Variants in PRTG observed in about 807,000 individuals in gnomAD.
The protein encoded by PRTG is protogenin.
Under a neutral mutation model 122.5 loss-of-function variants are expected in PRTG, and 67 were observed. That is an observed-to-expected ratio of 0.55 (90% CI 0.45 to 0.67). The LOEUF is 0.67. PRTG is among the 30% of genes least tolerant of loss of function. The pLI is 0.00. For synonymous variants in PRTG, 554 were observed against 501.1 expected, an observed-to-expected ratio of 1.11 and a Z score of -1.41; for missense variants, 1,435 against 1,415.4, an observed-to-expected ratio of 1.01 and a Z score of -0.22.
rs997959309 is a variant in PRTG at position 55,616,109 on chromosome 15, T to C, written c.*3903A>G. ...GGCAAAACTGATTTTTAAAAGTCACTTAATGGATAAAGCTGTATTTTTACT... is the reference window on the plus strand; with the variant it reads ...GGCAAAACTGATTTTTAAAAGTCACCTAATGGATAAAGCTGTATTTTTACT... On this transcript the variant is annotated 3_prime_UTR_variant, in exon 20 of 20. Transcript: ENST00000389286. The C allele has an allele frequency of 2.0e-5, 3 of 152,186 alleles. No homozygotes were observed. The highest frequency in any genetic ancestry group is 4.8e-5 in the African/African-American group (2 of 41,460). 9.4% of individuals were successfully genotyped at this position (152,186 alleles called of 1,614,324 possible). A position where few individuals can be genotyped will look rare whatever the true frequency, so the allele number is the denominator to read the frequency against.
intron 11 of PRTG, among the ~76,000 whole-genome samples, chr15:55,641,716 GTTTAAGT>G (rs2059291569): frequency 6.6e-6 from 1 of 152,106 alleles, no homozygotes; most frequent in Middle Eastern, 3.2e-3. Context: ...ACCATGTTTT[GTTTAAGT>G]TTTAAGTTTA....
chr15:55,620,593 T>C (rs1338820762), intron 19 of PRTG, 70 bp downstream of exon 19: 1 of 1,521,930 alleles, frequency 6.6e-7, no homozygotes, highest in Non-Finnish European at 8.8e-7. Context: ...GAATTCACAT[T>C]TTCCTCTTTT....
At chr15:55,704,991 AAGAG>A (rs1377481580) in intron 2 of PRTG, among the ~76,000 whole-genome samples, 1 of 152,228 alleles carries the variant, frequency 6.6e-6, no homozygotes, top group Non-Finnish European at 1.5e-5. Flanking sequence ...TAAAGAAGAG[AAGAG>A]AGAATTAACC....
chr15:55,637,064 A>G, intron 15 of PRTG, 106 bp downstream of exon 15: 4 of 987,036 alleles, frequency 4.1e-6, no homozygotes, highest in Non-Finnish European at 5.7e-6. Context: ...ATTACTTCAT[A>G]CATAAAAATG....
intron 2 of PRTG, among the ~76,000 whole-genome samples, chr15:55,709,229 T>G (rs2030280783): frequency 6.7e-6 from 1 of 148,666 alleles, no homozygotes. Flanking sequence ...TTAATTTCTT[T>G]ATGGCCGTAA....
intron 15 of PRTG, 97 bp from the exon 16 acceptor site, chr15:55,629,101 C>T: frequency 1.3e-6 from 1 of 749,456 alleles, no homozygotes; most frequent in Non-Finnish European, 2.0e-6. Context: ...AAATATTTTT[C>T]TGATTATAAA....
rs1424137765 is a variant in PRTG at position 55,612,140 on chromosome 15, G to A, written c.*7872C>T. ...GGCTAAGGCAATGTGTGTGTATTCA[G>A]GCTTTGCAATTTCCTATTAACAGGC... On this transcript the variant is annotated 3_prime_UTR_variant, in exon 20 of 20. Coordinates refer to ENST00000389286, the MANE Select transcript of PRTG (RefSeq NM_173814.6). 6.6e-6 allele frequency: 1 copy of A among 152,026 alleles called. No individual in the cohort carries two copies. The highest frequency in any genetic ancestry group is 2.4e-5 in the African/African-American group (1 of 41,408). 9.4% of individuals were successfully genotyped at this position (152,026 alleles called of 1,614,324 possible).
At chr15:55,690,128 C>A (rs1323198956) in intron 2 of PRTG, among the ~76,000 whole-genome samples, 1 of 152,086 alleles carries the variant, frequency 6.6e-6, no homozygotes. Flanking sequence ...ATTGTTCTTA[C>A]AATAAGACCA....
At chr15:55,685,871 T>C (rs887461869) in intron 2 of PRTG, among the ~76,000 whole-genome samples, 2 of 152,216 alleles carry the variant, frequency 1.3e-5, no homozygotes, top group African/African-American at 4.8e-5. Flanking sequence ...ATGTTGCTGA[T>C]CAATTAATTA....
intron 11 of PRTG, among the ~76,000 whole-genome samples, chr15:55,664,390 G>A (rs1454957526): frequency 2.0e-5 from 3 of 152,068 alleles, no homozygotes; most frequent in African/African-American, 4.8e-5. Context: ...TGATCCACCC[G>A]CCTCGATCTC....
At chr15:55,678,784 G>A (rs1258810579) in intron 7 of PRTG, among the ~76,000 whole-genome samples, 1 of 152,056 alleles carries the variant, frequency 6.6e-6, no homozygotes, top group East Asian at 1.9e-4. Context: ...ATTATAGTGT[G>A]TACATAGAAT....
chr15:55,619,850 A>G lies in PRTG; in HGVS notation c.*162T>C. 1 of 1,194,836 alleles carries G rather than the reference A, an allele frequency of 8.4e-7. No homozygotes were observed. The highest frequency in any genetic ancestry group is 1.6e-5 in the South Asian group (1 of 62,996). The allele number at this position is 1,194,836 out of a possible 1,614,324, so 74.0% of individuals were successfully genotyped here. On this transcript the variant is annotated 3_prime_UTR_variant, in exon 20 of 20. Coordinates refer to ENST00000389286, the MANE Select transcript of PRTG (RefSeq NM_173814.6). ...ACAGATTTAATGGTGAGAATACCTG[A>G]GCATGGCCGTCTAGATTGGAAAATC...
chr15:55,665,788 C>A (rs1317622712), intron 11 of PRTG, among the ~76,000 whole-genome samples: 1 of 152,118 alleles, frequency 6.6e-6, no homozygotes, highest in Non-Finnish European at 1.5e-5. Flanking sequence ...CTCCTGACTT[C>A]AAGTGATCCA....
intron 18 of PRTG, among the ~76,000 whole-genome samples, chr15:55,620,988 T>G (rs774811892): frequency 1.3e-4 from 20 of 152,182 alleles, no homozygotes; most frequent in Non-Finnish European, 2.8e-4. Context: ...ATTACCCAAA[T>G]AGTAAGCATT....
chr15:55,637,105 T>A (rs1353477268), intron 15 of PRTG, 65 bp downstream of exon 15: 2 of 1,231,740 alleles, frequency 1.6e-6, no homozygotes, highest in Non-Finnish European at 2.2e-6. Context: ...GATTCCCCTT[T>A]CCTTTTGTTT....
At chr15:55,685,432 T>C (rs1161079334) in intron 2 of PRTG, among the ~76,000 whole-genome samples, 1 of 152,194 alleles carries the variant, frequency 6.6e-6, no homozygotes, top group Non-Finnish European at 1.5e-5. Context: ...ACTGCTATTG[T>C]TGGTGGATCC....
chr15:55,692,986 G>A (rs1356981185), intron 2 of PRTG, among the ~76,000 whole-genome samples: 2 of 151,590 alleles, frequency 1.3e-5, no homozygotes, highest in Admixed American at 6.6e-5. Context: ...AACTACAGGT[G>A]GATGCCACCA....
intron 15 of PRTG, among the ~76,000 whole-genome samples, chr15:55,636,056 C>T (rs1334538607): frequency 2.0e-5 from 3 of 150,780 alleles, no homozygotes; most frequent in African/African-American, 2.4e-5. Context: ...TTAGGCTGGG[C>T]GTGGTGGTGT....
At chr15:55,686,711 G>C (rs1230384801) in intron 2 of PRTG, among the ~76,000 whole-genome samples, 1 of 152,108 alleles carries the variant, frequency 6.6e-6, no homozygotes, top group South Asian at 2.1e-4. Flanking sequence ...TAAAACTCTA[G>C]CCTTATATTC....
Sources: allele counts gnomAD v4.1 joint callset (sites outside exome capture counted in the v4.1 genomes callset), GRCh38; gene constraint gnomAD v4.1.1; transcripts MANE v1.5; gene names NCBI Gene and HGNC (gene_info 2026-07-23, HGNC 2026-07-21).